Variants in BNC2 observed in about 807,000 individuals in gnomAD.
BNC2 encodes the protein basonuclin zinc finger protein 2.
In BNC2, 20 loss-of-function variants were observed where a neutral mutation model predicts 76.3. The observed-to-expected ratio is 0.26, with a 90% CI of 0.18 to 0.38. BNC2 has a LOEUF of 0.38. Among genes scored for constraint, BNC2 ranks in the 10% least tolerant of loss-of-function variants. The pLI, the probability that BNC2 is intolerant of heterozygous loss-of-function variation, is 1.00. For synonymous variants in BNC2, 582 were observed against 514.8 expected, an observed-to-expected ratio of 1.13 and a Z score of -1.77; for missense variants, 1,382 against 1,399.8, an observed-to-expected ratio of 0.99 and a Z score of 0.20.
intron 3 of BNC2, among the ~76,000 whole-genome samples, chr9:16,714,982 G>A (rs1202410975): frequency 6.6e-6 from 1 of 152,142 alleles, no homozygotes; most frequent in Admixed American, 6.5e-5. Context: ...TATTGGCCTT[G>A]CATGAATTAG....
intron 1 of BNC2, among the ~76,000 whole-genome samples, chr9:16,755,054 C>T (rs1161234841): frequency 6.6e-6 from 1 of 152,210 alleles, no homozygotes; most frequent in African/African-American, 2.4e-5. Flanking sequence ...AGCATCTGTG[C>T]TGTGGCCTCA....
chr9:16,748,926 A>T, intron 1 of BNC2, among the ~76,000 whole-genome samples: 1 of 6,486 alleles, frequency 1.5e-4, no homozygotes, highest in African/African-American at 2.3e-4. Flanking sequence ...TTTATACTAT[A>T]TATATATATA....
At chr9:16,738,018 T>G (rs1052064340) in intron 2 of BNC2, among the ~76,000 whole-genome samples, 1 of 152,030 alleles carries the variant, frequency 6.6e-6, no homozygotes, top group African/African-American at 2.4e-5. Context: ...GTATTATTAT[T>G]AAAAATAGTG....
intron 1 of BNC2, among the ~76,000 whole-genome samples, chr9:16,869,813 C>A (rs7862084): frequency 0.14 from 21,824 of 152,166 alleles, 2,262 homozygotes; most frequent in African/African-American, 0.29. Flanking sequence ...CCCATCTCCT[C>A]CACCACTTGC....
chr9:16,833,425 C>G (rs1281724932), intron 1 of BNC2, among the ~76,000 whole-genome samples: 1 of 152,020 alleles, frequency 6.6e-6, no homozygotes, highest in Non-Finnish European at 1.5e-5. Context: ...AATGAAATGC[C>G]AAGAAGGAAG....
rs565880856 is a variant in BNC2, at chr9:16,859,331, T to C, written c.3+11315A>G. Among the ~76,000 whole-genome samples, 7 of 152,346 alleles carry C rather than the reference T, an allele frequency of 4.6e-5. 1 individual carries two copies. Among genetic ancestry groups the C allele is most frequent in the Admixed American group, 4.6e-4 (7 of 15,300 alleles). The stretch of plus-strand genomic sequence containing the variant: ...ATTAAGAACTACTGTATGATCCAGC[T>C]ATCCCACTTCTACATATATGTCCAA... On this transcript the variant is annotated intron_variant, in intron 1 of 6. Coordinates refer to ENST00000380672, the MANE Select transcript of BNC2 (RefSeq NM_017637.6).
chr9:16,494,956 G>A (rs946212713), intron 5 of BNC2, among the ~76,000 whole-genome samples: 1 of 152,130 alleles, frequency 6.6e-6, no homozygotes, highest in Non-Finnish European at 1.5e-5. Context: ...TTGTGCACGT[G>A]TACCCTAGAA....
At chr9:16,441,053 T>G (rs1159282508) in intron 5 of BNC2, among the ~76,000 whole-genome samples, 1 of 151,974 alleles carries the variant, frequency 6.6e-6, no homozygotes, top group Non-Finnish European at 1.5e-5. Flanking sequence ...TGGCTGCGCG[T>G]TGTGGCTCAT....
chr9:16,554,118 A>T (rs2382809), intron 4 of BNC2, among the ~76,000 whole-genome samples: 27,197 of 152,130 alleles, frequency 0.18, 4,155 homozygotes, highest in African/African-American at 0.41. Context: ...TCTAAACTAC[A>T]GTGTGGCCTT....
rs1433642556 is a variant in BNC2, at chr9:16,664,713, C to CA, written c.330+63083dup. Among the ~76,000 whole-genome samples the CA allele has an allele frequency of 8.5e-3, 1,217 of 143,536 alleles. 22 individuals carry two copies. The highest frequency in any genetic ancestry group is 0.028 in the African/African-American group (1,084 of 38,210). The allele number at this position is 143,536 out of a possible 152,430, so 94.2% of individuals were successfully genotyped here. A position where few individuals can be genotyped will look rare whatever the true frequency, so the allele number is the denominator to read the frequency against. ...AGGAAAAAAACAAAAACAAAAAAAA[C>CA]AAAAAAAAACAAAAACAAAAAAAAA... On this transcript the variant is annotated intron_variant, in intron 3 of 6. Transcript: ENST00000380672.
rs909627746 is a variant in BNC2 at position 16,822,064 on chromosome 9, C to G, written c.3+48582G>C. 1.1e-4 allele frequency among the ~76,000 whole-genome samples: 16 copies of G among 146,634 alleles called. No homozygotes were observed. The Admixed American group carries it at 1.1e-3, about 10-fold the overall frequency. ...GCCGAGATCGCGCCACTGCACTCCA[C>G]CCTGGGCGACAGAGCCAGACTCCAT... is the stretch of plus-strand genomic sequence containing the variant. On this transcript the variant is annotated intron_variant, in intron 1 of 6. Transcript: ENST00000380672.
intron 2 of BNC2, among the ~76,000 whole-genome samples, chr9:16,734,414 T>C (rs191257331): frequency 4.5e-4 from 68 of 150,492 alleles, no homozygotes; most frequent in African/African-American, 1.6e-3. Flanking sequence ...AAAAAGCTTG[T>C]GTCATCTCTG....
intron 5 of BNC2, among the ~76,000 whole-genome samples, chr9:16,487,486 A>G (rs1946065042): frequency 6.6e-6 from 1 of 152,232 alleles, no homozygotes; most frequent in Non-Finnish European, 1.5e-5. Context: ...AGTACTGCAC[A>G]GTGGGCACAA....
At chr9:16,437,781 G>C (rs1244123237) in intron 5 of BNC2, among the ~76,000 whole-genome samples, 1 of 152,008 alleles carries the variant, frequency 6.6e-6, no homozygotes, top group East Asian at 1.9e-4. Context: ...AGACCACTGG[G>C]GCTCTGTGAT....
At chr9:16,617,560 G>A (rs1384362924) in intron 3 of BNC2, among the ~76,000 whole-genome samples, 1 of 151,616 alleles carries the variant, frequency 6.6e-6, no homozygotes, top group Non-Finnish European at 1.5e-5. Flanking sequence ...ATTATCTATA[G>A]GAGCTTCTAT....
chr9:16,866,333 G>A (rs191991311), intron 1 of BNC2, among the ~76,000 whole-genome samples: 73 of 151,588 alleles, frequency 4.8e-4, no homozygotes, highest in Non-Finnish European at 2.9e-5. Context: ...ATTTCTCTCT[G>A]GAATACAGAA....
chr9:16,632,982 T>C (rs770480098), intron 3 of BNC2, among the ~76,000 whole-genome samples: 22 of 152,188 alleles, frequency 1.4e-4, no homozygotes, highest in Non-Finnish European at 2.6e-4. Context: ...AAAATCCAGA[T>C]ACCAGCTATT....
intron 1 of BNC2, among the ~76,000 whole-genome samples, chr9:16,748,096 C>G (rs1303707610): frequency 6.6e-6 from 1 of 152,146 alleles, no homozygotes; most frequent in Non-Finnish European, 1.5e-5. Flanking sequence ...ACAGTAAATA[C>G]TGTGTACTAT....
intron 5 of BNC2, among the ~76,000 whole-genome samples, chr9:16,439,437 G>GA (rs1021401944): frequency 9.2e-5 from 14 of 152,218 alleles, no homozygotes; most frequent in Admixed American, 9.2e-4. Context: ...TCCTAGACCA[G>GA]AAAAAAGACA....
Sources: allele counts gnomAD v4.1 joint callset (sites outside exome capture counted in the v4.1 genomes callset), GRCh38; gene constraint gnomAD v4.1.1; transcripts MANE v1.5; gene names NCBI Gene and HGNC (gene_info 2026-07-23, HGNC 2026-07-21).